The following STK32B variants were observed in gnomAD, a reference collection of about 807,000 sequenced individuals.
STK32B encodes the protein serine/threonine kinase 32B, also known as serine/threonine-protein kinase 32B.
STK32B carries 43 observed loss-of-function variants against 52.6 expected under a neutral mutation model. The observed-to-expected ratio is 0.82, with a 90% CI of 0.64 to 1.05. The LOEUF (loss-of-function observed/expected upper bound fraction) is 1.05, where lower values mean the gene tolerates loss of function less well. Ranked by LOEUF, STK32B falls within the 50% of genes least tolerant of loss-of-function variation. The pLI is 0.00. For synonymous variants in STK32B, 238 were observed against 204.3 expected (o/e 1.17, Z -1.41); for missense variants, 621 against 534.6 (o/e 1.16, Z -1.59).
At chr4:5,116,873 C>G (rs1714752209) in intron 1 of STK32B, among the ~76,000 whole-genome samples, 1 of 152,096 alleles carries the variant, frequency 6.6e-6, no homozygotes, top group Non-Finnish European at 1.5e-5. Context: ...TTTGTTAAAT[C>G]TATTCCGAAG....
chr4:5,049,876 C>A (rs141123228), upstream of STK32B, among the ~76,000 whole-genome samples: 851 of 152,280 alleles, frequency 5.6e-3, 6 homozygotes, highest in Non-Finnish European at 5.1e-3. Context: ...TGTGAGCCCC[C>A]ACGCCCGGCC....
chr4:5,171,840 T>A (rs1163200344), intron 3 of STK32B, among the ~76,000 whole-genome samples: 1 of 151,130 alleles, frequency 6.6e-6, no homozygotes, highest in Admixed American at 6.6e-5. Flanking sequence ...TCCAATTCTG[T>A]GAAGAAAGTC....
chr4:5,238,167 C>A (rs547586513), intron 3 of STK32B, among the ~76,000 whole-genome samples: 1 of 152,098 alleles, frequency 6.6e-6, no homozygotes, highest in Non-Finnish European at 1.5e-5. Context: ...ATTATGGATT[C>A]GCTCACGGTT....
intron 3 of STK32B, among the ~76,000 whole-genome samples, chr4:5,257,583 C>A (rs1372649199): frequency 6.6e-6 from 1 of 152,170 alleles, no homozygotes; most frequent in South Asian, 2.1e-4. Context: ...TAAGGAGACA[C>A]GTTTCCATCA....
intron 1 of STK32B, among the ~76,000 whole-genome samples, chr4:5,101,851 T>C (rs1181273823): frequency 6.6e-6 from 1 of 152,208 alleles, no homozygotes; most frequent in African/African-American, 2.4e-5. Flanking sequence ...TATGCCTTGC[T>C]CAATGTCATG....
chr4:5,093,677 C>T lies in STK32B; in HGVS notation c.52+41762C>T, dbSNP rs535171380. Among the ~76,000 whole-genome samples, 7 of 152,050 alleles carry T rather than the reference C, an allele frequency of 4.6e-5. No individual in the cohort carries two copies. The East Asian group carries it at 5.8e-4, about 13-fold the overall frequency. ...TGTATGCATATGTAACTAACCTGCA[C>T]GTTGTGCACATGTACCCTAAAACTT... On this transcript the variant is annotated intron_variant, in intron 1 of 11. Coordinates refer to ENST00000282908, the MANE Select transcript of STK32B (RefSeq NM_018401.3).
chr4:5,476,920 C>T (rs1190862190), intron 11 of STK32B, among the ~76,000 whole-genome samples: 1 of 151,818 alleles, frequency 6.6e-6, no homozygotes, highest in Non-Finnish European at 1.5e-5. Flanking sequence ...AGATTGGTGG[C>T]TACCACCAGA....
At chr4:5,163,937 G>T (rs778253355) in intron 2 of STK32B, among the ~76,000 whole-genome samples, 1 of 152,130 alleles carries the variant, frequency 6.6e-6, no homozygotes, top group Non-Finnish European at 1.5e-5. Flanking sequence ...CTGCTCCTCC[G>T]CATGGGCCAC....
intron 6 of STK32B, 75 bp downstream of exon 6, chr4:5,417,009 T>A (rs755902255): frequency 7.3e-7 from 1 of 1,362,656 alleles, no homozygotes; most frequent in Non-Finnish European, 1.0e-6. Flanking sequence ...TCTTGTTTCA[T>A]CTGCCACTGC....
At chr4:5,124,547 A>G (rs1269945857) in intron 1 of STK32B, among the ~76,000 whole-genome samples, 2 of 152,218 alleles carry the variant, frequency 1.3e-5, no homozygotes, top group Admixed American at 1.3e-4. Context: ...GGAAGGTCAG[A>G]AAGGAAATAC....
intron 3 of STK32B, among the ~76,000 whole-genome samples, chr4:5,194,355 C>G (rs76186475): frequency 6.6e-6 from 1 of 152,266 alleles, no homozygotes; most frequent in East Asian, 1.9e-4. Flanking sequence ...TTCAGAAGTT[C>G]AGAAAGAACA....
intron 3 of STK32B, among the ~76,000 whole-genome samples, chr4:5,224,027 G>C (rs1441825780): frequency 2.0e-5 from 3 of 152,118 alleles, no homozygotes; most frequent in African/African-American, 7.2e-5. Context: ...AGCCAGAGGA[G>C]AATTTGCTTC....
At chr4:5,174,238 G>A (rs1387229395) in intron 3 of STK32B, among the ~76,000 whole-genome samples, 2 of 151,846 alleles carry the variant, frequency 1.3e-5, no homozygotes, top group Non-Finnish European at 1.5e-5. Flanking sequence ...ACACTGATGG[G>A]TCTTGACTCT....
At chr4:5,274,713 GTTTTCACTCT>G (rs1055240134) in intron 3 of STK32B, among the ~76,000 whole-genome samples, 3 of 152,078 alleles carry the variant, frequency 2.0e-5, no homozygotes, top group African/African-American at 7.2e-5. Context: ...TGGGAGCTCT[GTTTTCACTCT>G]TTTTCACTCT....
rs1246552874 is a variant in STK32B at position 5,398,948 on chromosome 4, G to T, written c.472+704G>T. Among the ~76,000 whole-genome samples, 2 of 152,182 alleles carry T rather than the reference G, an allele frequency of 1.3e-5. No homozygotes were observed. Among genetic ancestry groups the T allele is most frequent in the Non-Finnish European group, 1.5e-5 (1 of 68,030 alleles). On this transcript the variant is annotated intron_variant, in intron 5 of 11. Coordinates refer to ENST00000282908, the MANE Select transcript of STK32B (RefSeq NM_018401.3). The surrounding 1 kb of genome is among the most constrained non-coding windows in gnomAD (Gnocchi z 4.9). ...CTGGCCTTACCAGAATTACCTGGGGGACCTGGTAAAAATCAGAGGTCAGGC... is the reference window on the plus strand; with the variant it reads ...CTGGCCTTACCAGAATTACCTGGGGTACCTGGTAAAAATCAGAGGTCAGGC...
chr4:5,381,508 C>T, intron 4 of STK32B, among the ~76,000 whole-genome samples: 1 of 152,334 alleles, frequency 6.6e-6, no homozygotes, highest in African/African-American at 2.4e-5. Flanking sequence ...TGAATGAGAT[C>T]ATGCCCGTGC....
intron 3 of STK32B, among the ~76,000 whole-genome samples, chr4:5,188,261 T>C (rs906267855): frequency 2.6e-5 from 4 of 152,192 alleles, no homozygotes; most frequent in African/African-American, 9.7e-5. Flanking sequence ...CGAGCAATTT[T>C]ATGTGAAGCT....
rs114825339 is a variant in STK32B at position 5,363,072 on chromosome 4, C to G, written c.434+31679C>G. Among the ~76,000 whole-genome samples, 1,072 of 152,328 alleles carry G rather than the reference C, an allele frequency of 7.0e-3. 8 individuals carry two copies. Among genetic ancestry groups the G allele is most frequent in the African/African-American group, 0.025 (1,022 of 41,568 alleles). ...TCACATACAACCACATTCCTGCCAT[C>G]TTCACTTAACACATTTCTTCCACTA... On this transcript the variant is annotated intron_variant, in intron 4 of 11. Transcript: ENST00000282908.
chr4:5,444,950 A>AG (rs1577511957), intron 6 of STK32B, among the ~76,000 whole-genome samples: 1 of 152,266 alleles, frequency 6.6e-6, no homozygotes, highest in East Asian at 1.9e-4. Flanking sequence ...TCCCAAGTGC[A>AG]CCATTCCACT....
Sources: gnomAD v4.1 joint callset for allele counts (sites outside exome capture counted in the v4.1 genomes callset) on GRCh38, gnomAD v4.1.1 for gene constraint, Gnocchi (gnomAD v3.1) non-coding constraint, MANE v1.5 for transcripts, NCBI Gene and HGNC (gene_info 2026-07-23, HGNC 2026-07-21) for gene names.